The following FREM3 variants were observed in gnomAD, a reference collection of about 807,000 sequenced individuals.
FREM3 encodes FRAS1-related extracellular matrix protein 3.
In FREM3, 105 loss-of-function variants were observed where a neutral mutation model predicts 129.1. The observed-to-expected ratio is 0.81, with a 90% CI of 0.69 to 0.96. The LOEUF is 0.96. Among genes scored for constraint, FREM3 ranks in the 40% least tolerant of loss-of-function variants. FREM3 has a pLI of 0.00. For synonymous variants in FREM3, 1,014 were observed against 1,044.9 expected (o/e 0.97, Z 0.57); for missense variants, 2,593 against 2,666.3 (o/e 0.97, Z 0.61).
At chr4:143,674,154 A>ATGCAGAAATCACCCATCTTC (rs377169271) in intron 2 of FREM3, among the ~76,000 whole-genome samples, 5 of 152,328 alleles carry the variant, frequency 3.3e-5, no homozygotes, top group African/African-American at 7.2e-5. Flanking sequence ...TCAGTTGGAA[A>ATGCAGAAATCACCCATCTTC]TGCAGAAATC....
chr4:143,680,096 C>A (rs766111140), intron 2 of FREM3, among the ~76,000 whole-genome samples: 3 of 151,478 alleles, frequency 2.0e-5, no homozygotes, highest in Non-Finnish European at 4.4e-5. Flanking sequence ...CATTGTAAAG[C>A]ATTTACACAA....
Position 143,696,117 on chromosome 4 carries a change from T to C in FREM3, c.4559A>G (p.Tyr1520Cys), listed in dbSNP as rs1215635482. 6 of 1,537,374 alleles carry C rather than the reference T, an allele frequency of 3.9e-6. No individual in the cohort carries two copies. Among genetic ancestry groups the C allele is most frequent in the African/African-American group, 1.4e-5 (1 of 73,050 alleles). The change falls in exon 1 of 8, where the codon TAC becomes TGC. Residue 1520 changes from tyrosine (Y) to cysteine (C), a missense_variant. By Grantham distance (194) the Tyr-to-Cys change is radical. Coordinates refer to ENST00000329798, the MANE Select transcript of FREM3 (RefSeq NM_001168235.2). ...SFEFQVIGEL[Y>C]PVFRTFRIFI... ...GATCCTGAAGGTTCTGAACACAGGG[T>C]AGAGTTCGCCGATCACTTGAAATTC...
At chr4:143,583,305 T>G (rs935336700) in intron 7 of FREM3, among the ~76,000 whole-genome samples, 5 of 152,156 alleles carry the variant, frequency 3.3e-5, no homozygotes, top group African/African-American at 4.8e-5. Context: ...AAATACGGGA[T>G]TCTGTAAAGA....
chr4:143,577,760 C>T lies in FREM3; in HGVS notation c.6271G>A (p.Gly2091Arg), dbSNP rs748746870. 6 of 1,537,154 alleles carry T rather than the reference C, an allele frequency of 3.9e-6. No individual in the cohort carries two copies. The highest frequency in any genetic ancestry group is 4.4e-6 in the Non-Finnish European group (5 of 1,146,924). Reference protein sequence around the residue: ...TFQVTILDDLGQPTLEGPEKF... With the variant: ...TFQVTILDDLRQPTLEGPEKF... ...TCTGGGCCTTCCAAGGTAGGCTGTCCCAGGTCATCAAGGATGGTCACTTGG... is the reference window on the plus strand; with the variant it reads ...TCTGGGCCTTCCAAGGTAGGCTGTCTCAGGTCATCAAGGATGGTCACTTGG... Residue 2091 changes from glycine to arginine, a missense_variant, in exon 8 of 8, where the codon GGA becomes AGA. Coordinates refer to ENST00000329798, the MANE Select transcript of FREM3 (RefSeq NM_001168235.2).
intron 2 of FREM3, among the ~76,000 whole-genome samples, chr4:143,656,673 A>C (rs1739606634): frequency 6.6e-6 from 1 of 152,176 alleles, no homozygotes; most frequent in African/African-American, 2.4e-5. Flanking sequence ...GGGTGGCGGA[A>C]ATGGAAATGA....
At chr4:143,656,383 A>G (rs1236286998) in intron 2 of FREM3, among the ~76,000 whole-genome samples, 14 of 152,348 alleles carry the variant, frequency 9.2e-5, no homozygotes, top group Admixed American at 9.1e-4. Flanking sequence ...AGCACTATTC[A>G]CAATAGCCCC....
chr4:143,621,224 C>A, intron 4 of FREM3, 62 bp from the exon 5 acceptor site: 1 of 1,449,738 alleles, frequency 6.9e-7, no homozygotes, highest in Admixed American at 2.0e-5. Flanking sequence ...TATTTAAACA[C>A]ACCTGAGCAG....
chr4:143,611,387 A>G lies in FREM3; in HGVS notation c.5920T>C (p.Tyr1974His), dbSNP rs1167294833. 1.3e-6 allele frequency: 2 copies of G among 1,537,182 alleles called. No individual in the cohort carries two copies. Among genetic ancestry groups the G allele is most frequent in the Non-Finnish European group, 1.7e-6 (2 of 1,146,844 alleles). The change falls in exon 6 of 8, where the codon TAT (tyrosine) becomes CAT (histidine). Residue 1974 changes from tyrosine (Y) to histidine (H), a missense_variant. Physicochemically the swap from Tyr to His is moderately conservative, Grantham distance 83. Coordinates refer to ENST00000329798, the MANE Select transcript of FREM3 (RefSeq NM_001168235.2). The part of the protein sequence containing the change: ...CQVLIIDDSL[Y>H]EEEESFSVSL... ...ACGCTGAAGGATTCCTCCTCTTCAT[A>G]AAGGGAGTCATCAATGATCAGGACC...
chr4:143,644,701 G>A (rs1381256897), intron 2 of FREM3, among the ~76,000 whole-genome samples: 1 of 152,042 alleles, frequency 6.6e-6, no homozygotes, highest in Admixed American at 6.6e-5. Context: ...TTTTAAAAAA[G>A]CATTTCTTGG....
At chr4:143,686,133 A>G (rs1740359855) in intron 2 of FREM3, among the ~76,000 whole-genome samples, 1 of 152,194 alleles carries the variant, frequency 6.6e-6, no homozygotes, top group Non-Finnish European at 1.5e-5. Flanking sequence ...GGAAAAGGAC[A>G]TTTCATGCAA....
intron 5 of FREM3, among the ~76,000 whole-genome samples, chr4:143,616,407 C>T (rs1368617713): frequency 6.6e-6 from 1 of 152,106 alleles, no homozygotes; most frequent in South Asian, 2.1e-4. Flanking sequence ...ACATCTACAA[C>T]TAAATAAATC....
At position 143,697,640 on chromosome 4, in the gene FREM3, G is replaced by C. The variant is rs2149864765; in HGVS notation, c.3036C>G (p.Leu1012=). ...GGGCATAGGCTACTCTCCCATTGATGAGATCCTCTTGGGTGAATCGTTCTG... is the reference window on the plus strand; with the variant it reads ...GGGCATAGGCTACTCTCCCATTGATCAGATCCTCTTGGGTGAATCGTTCTG... ...LPTERFTQED[L]INGRVAYAHT... is the part of the protein sequence containing the mutation. Residue 1012 remains leucine (L), a synonymous_variant, in exon 1 of 8, where the codon CTC becomes CTG. Coordinates refer to ENST00000329798, the MANE Select transcript of FREM3 (RefSeq NM_001168235.2). 6.5e-7 allele frequency: 1 copy of C among 1,537,858 alleles called. No homozygotes were observed.
chr4:143,627,406 C>T (rs1739059103), intron 3 of FREM3, among the ~76,000 whole-genome samples: 1 of 152,102 alleles, frequency 6.6e-6, no homozygotes, highest in Non-Finnish European at 1.5e-5. Flanking sequence ...AAGAGGAAAA[C>T]AGGGGAAAGA....
At chr4:143,694,040 A>G (rs185704777) in intron 1 of FREM3, among the ~76,000 whole-genome samples, 4 of 152,296 alleles carry the variant, frequency 2.6e-5, no homozygotes, top group Admixed American at 2.6e-4. Context: ...AAAGATAACG[A>G]CTGGGTACTG....
chr4:143,590,752 TAA>T (rs1170765002), intron 6 of FREM3, among the ~76,000 whole-genome samples: 3 of 152,214 alleles, frequency 2.0e-5, no homozygotes, highest in African/African-American at 7.2e-5. Context: ...GCTGGCCTCA[TAA>T]AATGAGTTAG....
chr4:143,682,753 G>A lies in FREM3; in HGVS notation c.5275+10360C>T, dbSNP rs186248133. Among the ~76,000 whole-genome samples, 367 of 152,254 alleles carry A rather than the reference G, an allele frequency of 2.4e-3. 9 individuals carry two copies. Among genetic ancestry groups the A allele is most frequent in the Admixed American group, 0.023 (347 of 15,278 alleles). ...TTATTGAGTGTTTACTATGTGTCGG[G>A]CACTCTTCTAAGTGCCTTATGTGTG... is the stretch of plus-strand genomic sequence containing the variant. On this transcript the variant is annotated intron_variant, in intron 2 of 7. Coordinates refer to ENST00000329798, the MANE Select transcript of FREM3 (RefSeq NM_001168235.2).
At chr4:143,595,731 CA>C (rs556680866) in intron 6 of FREM3, among the ~76,000 whole-genome samples, 231 of 151,838 alleles carry the variant, frequency 1.5e-3, no homozygotes, top group Middle Eastern at 3.4e-3. Flanking sequence ...ACTAAAAATA[CA>C]AAAAAATTAG....
intron 6 of FREM3, among the ~76,000 whole-genome samples, chr4:143,588,510 C>T (rs763995796): frequency 3.3e-5 from 5 of 151,588 alleles, no homozygotes; most frequent in Admixed American, 1.3e-4. Context: ...TTTTTCTCCT[C>T]GCGATAGTTT....
intron 2 of FREM3, among the ~76,000 whole-genome samples, chr4:143,629,662 A>G (rs1460103897): frequency 1.3e-5 from 2 of 152,066 alleles, no homozygotes; most frequent in East Asian, 3.9e-4. Context: ...AATAGTTTAT[A>G]TTTACTTTTT....
Sources: gnomAD v4.1 joint callset for allele counts (sites outside exome capture counted in the v4.1 genomes callset) on GRCh38, gnomAD v4.1.1 for gene constraint, MANE v1.5 for transcripts, NCBI Gene and HGNC (gene_info 2026-07-23, HGNC 2026-07-21) for gene names.